INTS9: variants seen among roughly 807,000 people sequenced by gnomAD.
INTS9 encodes integrator complex subunit 9.
A neutral mutation model predicts 79.7 loss-of-function variants in INTS9; 55 were observed. The ratio of observed to expected loss-of-function variants is 0.69; its 90% CI spans 0.56 to 0.86. The LOEUF is 0.86. Among genes scored for constraint, INTS9 ranks in the 40% least tolerant of loss-of-function variants. INTS9 has a pLI of 0.00. For missense variants in INTS9, 721 were observed against 831.5 expected (o/e 0.87, Z 1.64); for synonymous variants, 319 against 325.2 (o/e 0.98, Z 0.20).
rs191771991 is a variant in INTS9 at position 28,802,975 on chromosome 8, T to C, written c.745-6320A>G. The stretch of plus-strand genomic sequence containing the variant: ...AAAAAAAAAAAAAAAATTAGCCAGA[T>C]GTGCTGGTGCACTGTAGTCCCAGCT... On this transcript the variant is annotated intron_variant, in intron 8 of 16. Coordinates refer to ENST00000521022, the MANE Select transcript of INTS9 (RefSeq NM_018250.4). 2.6e-3 allele frequency among the ~76,000 whole-genome samples: 395 copies of C among 149,778 alleles called. 8 individuals are homozygous for C. Among genetic ancestry groups the C allele is most frequent in the Non-Finnish European group, 1.3e-3 (91 of 67,646 alleles).
intron 6 of INTS9, among the ~76,000 whole-genome samples, chr8:28,834,327 C>A (rs1307794077): frequency 1.3e-5 from 2 of 152,136 alleles, no homozygotes; most frequent in African/African-American, 4.8e-5. Flanking sequence ...CAAACGTAGT[C>A]ATTAGCCTCC....
rs559916965 is a variant in INTS9 at position 28,831,499 on chromosome 8, G to A, written c.488+3793C>T. ...AAGGGAGCTTTCCTCTGCATCTTAG[G>A]AAATACCTTTCAGGCCCCTCCCTAG... On this transcript the variant is annotated intron_variant, in intron 6 of 16. Transcript: ENST00000521022. Among the ~76,000 whole-genome samples, 307 of 152,228 alleles carry A rather than the reference G, an allele frequency of 2.0e-3. 3 individuals are homozygous for A. The highest frequency in any genetic ancestry group is 7.0e-3 in the African/African-American group (290 of 41,536).
At chr8:28,862,813 T>C (rs1285160244) in intron 1 of INTS9, among the ~76,000 whole-genome samples, 2 of 152,216 alleles carry the variant, frequency 1.3e-5, no homozygotes, top group Non-Finnish European at 2.9e-5. Context: ...GAAAGTTAAC[T>C]ATTTGATAAG....
At chr8:28,799,294 C>T (rs1278325144) in intron 8 of INTS9, 6 of 153,040 alleles carry the variant, frequency 3.9e-5, no homozygotes, top group Non-Finnish European at 8.7e-5. Flanking sequence ...GAAACTCCGT[C>T]TCAAACAAAA....
At chr8:28,839,126 C>A (rs576078291) in intron 4 of INTS9, among the ~76,000 whole-genome samples, 1 of 151,990 alleles carries the variant, frequency 6.6e-6, no homozygotes. Context: ...ATAATACATC[C>A]CCACGAAGAA....
At chr8:28,802,201 C>T (rs1029076526) in intron 8 of INTS9, among the ~76,000 whole-genome samples, 2 of 152,166 alleles carry the variant, frequency 1.3e-5, no homozygotes, top group African/African-American at 4.8e-5. Flanking sequence ...AGATTCTTAA[C>T]CTGATAAATA....
intron 11 of INTS9, 58 bp from the exon 12 acceptor site, chr8:28,781,052 C>T: frequency 3.5e-6 from 5 of 1,427,024 alleles, no homozygotes; most frequent in Admixed American, 1.9e-5. Context: ...GAAGGGGGAA[C>T]CAAAGTACGG....
intron 6 of INTS9, among the ~76,000 whole-genome samples, chr8:28,814,516 G>T (rs1375342950): frequency 6.6e-6 from 1 of 152,116 alleles, no homozygotes; most frequent in Non-Finnish European, 1.5e-5. Context: ...GGTGTATCAG[G>T]AAGTTGAATC....
intron 1 of INTS9, among the ~76,000 whole-genome samples, 185 bp downstream of exon 1, chr8:28,889,689 G>A (rs1172755196): frequency 6.6e-6 from 1 of 152,294 alleles, no homozygotes; most frequent in East Asian, 1.9e-4. Flanking sequence ...GGGAGGGATG[G>A]GGTGGGGGAG....
chr8:28,850,643 T>C (rs1807780410), intron 2 of INTS9, among the ~76,000 whole-genome samples: 1 of 152,230 alleles, frequency 6.6e-6, no homozygotes, highest in Non-Finnish European at 1.5e-5. Context: ...GGCATCATCT[T>C]ATTGCAGATG....
At chr8:28,849,604 G>A (rs186242172) in intron 3 of INTS9, among the ~76,000 whole-genome samples, 2 of 152,050 alleles carry the variant, frequency 1.3e-5, no homozygotes, top group East Asian at 3.9e-4. Context: ...TTACCTAAGA[G>A]TACTGTCCCC....
chr8:28,791,335 C>A (rs1299052683), intron 10 of INTS9, among the ~76,000 whole-genome samples: 1 of 152,054 alleles, frequency 6.6e-6, no homozygotes, highest in Non-Finnish European at 1.5e-5. Context: ...TAGCCTCATA[C>A]CCTGCCACTC....
At chr8:28,843,075 C>T (rs1463390896) in intron 4 of INTS9, among the ~76,000 whole-genome samples, 1 of 152,140 alleles carries the variant, frequency 6.6e-6, no homozygotes, top group East Asian at 1.9e-4. Context: ...AGATGCAGTC[C>T]CTTAGTGGCA....
chr8:28,829,162 A>C (rs1426690637), intron 6 of INTS9, among the ~76,000 whole-genome samples: 1 of 152,248 alleles, frequency 6.6e-6, no homozygotes, highest in African/African-American at 2.4e-5. Flanking sequence ...AACCTTATAA[A>C]AAATATTAGT....
At chr8:28,841,845 G>A (rs1807205060) in intron 4 of INTS9, among the ~76,000 whole-genome samples, 1 of 152,298 alleles carries the variant, frequency 6.6e-6, no homozygotes, top group Admixed American at 6.5e-5. Flanking sequence ...TAGCACTTTA[G>A]GGGGCTGAGG....
intron 7 of INTS9, 112 bp from the exon 8 acceptor site, chr8:28,812,573 TTTAAAGTAAACCAGA>T: frequency 8.2e-7 from 1 of 1,212,476 alleles, no homozygotes; most frequent in South Asian, 1.6e-5. Context: ...CAAAAATTAT[TTTAAAGTAAACCAGA>T]GACTGGGTGC....
Position 28,880,277 on chromosome 8 carries a change from T to A in INTS9, c.9+9597A>T, listed in dbSNP as rs1379993257. On this transcript the variant is annotated intron_variant, in intron 1 of 16. Transcript: ENST00000521022. Reference sequence around the variant, plus strand: ...CTCCCTCTCCCTCTCCCTCTCCCTCTCTCTCCCTCCACGGTCTCCCTCTGA... The same window carrying A: ...CTCCCTCTCCCTCTCCCTCTCCCTCACTCTCCCTCCACGGTCTCCCTCTGA... Among the ~76,000 whole-genome samples the A allele has an allele frequency of 4.7e-3, 434 of 91,722 alleles. 2 individuals carry two copies. Among genetic ancestry groups the A allele is most frequent in the African/African-American group, 0.018 (422 of 23,242 alleles). The allele number at this position is 91,722 out of a possible 152,430, so 60.2% of individuals were successfully genotyped here. A position where few individuals can be genotyped will look rare whatever the true frequency, so the allele number is the denominator to read the frequency against.
chr8:28,774,995 C>A (rs532650595), intron 14 of INTS9, among the ~76,000 whole-genome samples: 3 of 152,182 alleles, frequency 2.0e-5, no homozygotes, highest in Non-Finnish European at 4.4e-5. Flanking sequence ...TAGACCAAAA[C>A]CTGCAAGTAT....
rs1160489554 is a variant in INTS9 at position 28,823,373 on chromosome 8, T to C, written c.489-9761A>G. On this transcript the variant is annotated intron_variant, in intron 6 of 16. Transcript: ENST00000521022. ...GGGAATGGAGTTCGAGAAAAACCTG[T>C]ACCAGCAAACCTTGTTAAACCCTGA... Among the ~76,000 whole-genome samples, 5 of 152,020 alleles carry C rather than the reference T, an allele frequency of 3.3e-5. No homozygotes were observed. The East Asian group carries it at 5.8e-4, about 18-fold the overall frequency.
Sources: allele counts gnomAD v4.1 joint callset (sites outside exome capture counted in the v4.1 genomes callset), GRCh38; gene constraint gnomAD v4.1.1; transcripts MANE v1.5; gene names NCBI Gene and HGNC (gene_info 2026-07-23, HGNC 2026-07-21).